The following PKN2 variants were observed in gnomAD, a reference collection of about 807,000 sequenced individuals.
PKN2 encodes the protein serine/threonine-protein kinase N2.
Under a neutral mutation model 119.1 loss-of-function variants are expected in PKN2, and 38 were observed. That is an observed-to-expected ratio of 0.32 (90% CI 0.25 to 0.42). The LOEUF is 0.42. PKN2 is among the 10% of genes least tolerant of loss of function. PKN2 has a pLI of 1.00. For synonymous variants in PKN2, 390 were observed against 384.9 expected (o/e 1.01, Z -0.15); for missense variants, 850 against 1,165.1 (o/e 0.73, Z 3.94).
At chr1:88,788,544 C>A (rs1487755687) in intron 8 of PKN2, among the ~76,000 whole-genome samples, 1 of 151,844 alleles carries the variant, frequency 6.6e-6, no homozygotes, top group Non-Finnish European at 1.5e-5. Flanking sequence ...CTCCCAGGTT[C>A]GAGTGATTCT....
intron 1 of PKN2, among the ~76,000 whole-genome samples, chr1:88,723,166 T>C (rs1427088053): frequency 1.3e-5 from 2 of 151,748 alleles, no homozygotes; most frequent in Non-Finnish European, 2.9e-5. Context: ...CAGGCTGGAG[T>C]GCAGTGGCTC....
In PKN2 at chr1:88,760,287, A is replaced by G. The variant is rs1267206495; in HGVS notation, c.415A>G (p.Lys139Glu). Residue 139 changes from lysine (K) to glutamate (E), a missense_variant, in exon 3 of 22, where the codon AAG becomes GAG. Physicochemically the swap from Lys to Glu is moderately conservative, Grantham distance 56 (BLOSUM62 1). Around this residue, in one of 9 missense-constraint regions of PKN2, gnomAD observed 350 missense variants for 511.1 expected, o/e 0.68. Transcript: ENST00000370521. The part of the protein sequence containing the change: ...PRCSTSNNRL[K>E]ALQKQLDIEL... Reference sequence around the variant, plus strand: ...TTGTTCTACTAGCAACAATAGATTGAAGGCCTTACAAAAACAATTGGATAT... The same window carrying G: ...TTGTTCTACTAGCAACAATAGATTGGAGGCCTTACAAAAACAATTGGATAT... 6.4e-7 allele frequency: 1 copy of G among 1,567,010 alleles called. No individual in the cohort carries two copies. Among genetic ancestry groups the G allele is most frequent in the Non-Finnish European group, 8.8e-7 (1 of 1,138,558 alleles).
At chr1:88,759,024 T>C (rs1355890248) in intron 2 of PKN2, among the ~76,000 whole-genome samples, 2 of 152,230 alleles carry the variant, frequency 1.3e-5, no homozygotes, top group African/African-American at 4.8e-5. Context: ...AGCATTGCTT[T>C]TTCCCTGCAT....
rs1427837779 is a variant in PKN2, at chr1:88,828,587, C to T, written c.2526C>T (p.Gly842=). 1 of 1,612,804 alleles carries T rather than the reference C, an allele frequency of 6.2e-7. No individual in the cohort carries two copies. Among genetic ancestry groups the T allele is most frequent in the South Asian group, 1.1e-5 (1 of 90,994 alleles). ...ATACAAGGGCTGTAGATTGGTGGGG[C>T]CTTGGCGTGCTTATATATGAAATGC... ...TSYTRAVDWW[G]LGVLIYEMLV... Residue 842 remains glycine (G), a synonymous_variant, in exon 19 of 22, where the codon GGC becomes GGT. Transcript: ENST00000370521.
rs1368280462 is a variant in PKN2 at position 88,760,251 on chromosome 1, A to G, written c.379A>G (p.Asn127Asp). 6.3e-7 allele frequency: 1 copy of G among 1,575,130 alleles called. No individual in the cohort carries two copies. Among genetic ancestry groups the G allele is most frequent in the Non-Finnish European group, 8.7e-7 (1 of 1,150,430 alleles). ...CCCAAGGACTCCAGATACTCCAAAT[A>G]ATGACCCTCGTTGTTCTACTAGCAA... ...DCPRTPDTPN[N>D]DPRCSTSNNR... Residue 127 changes from asparagine (N) to aspartate (D), a missense_variant, in exon 3 of 22, where the codon AAT (asparagine) becomes GAT (aspartate). Around this residue, in one of 9 missense-constraint regions of PKN2, gnomAD observed 350 missense variants for 511.1 expected, o/e 0.68. Coordinates refer to ENST00000370521, the MANE Select transcript of PKN2 (RefSeq NM_006256.4).
intron 2 of PKN2, among the ~76,000 whole-genome samples, chr1:88,757,474 A>T (rs904511807): frequency 6.6e-6 from 1 of 152,212 alleles, no homozygotes; most frequent in Admixed American, 6.5e-5. Context: ...GTGTTGAATT[A>T]GTGAATTTTT....
At chr1:88,701,262 G>A (rs1666758339) in intron 1 of PKN2, among the ~76,000 whole-genome samples, 1 of 152,136 alleles carries the variant, frequency 6.6e-6, no homozygotes, top group Non-Finnish European at 1.5e-5. Context: ...TGCCCAACAT[G>A]GTGAAACCCT....
chr1:88,730,159 C>T (rs1448027685), intron 1 of PKN2, among the ~76,000 whole-genome samples: 2 of 150,038 alleles, frequency 1.3e-5, no homozygotes, highest in Non-Finnish European at 3.0e-5. Context: ...AACGAGACTC[C>T]GTCTCAAAAA....
At chr1:88,751,377 TACACACACAC>T (rs34210018) in intron 2 of PKN2, among the ~76,000 whole-genome samples, 3 of 146,580 alleles carry the variant, frequency 2.0e-5, no homozygotes, top group East Asian at 2.0e-4. Flanking sequence ...TATTTACACA[TACACACACAC>T]ACACACACAC....
At chr1:88,700,042 C>T (rs1362616147) in intron 1 of PKN2, among the ~76,000 whole-genome samples, 2 of 152,110 alleles carry the variant, frequency 1.3e-5, no homozygotes, top group African/African-American at 4.8e-5. Flanking sequence ...CTTGGCCTCC[C>T]AAAGTGCTGG....
chr1:88,786,869 G>A (rs1057394251), intron 8 of PKN2, among the ~76,000 whole-genome samples: 2 of 151,702 alleles, frequency 1.3e-5, no homozygotes, highest in African/African-American at 4.8e-5. Context: ...TTATGTTAAA[G>A]CAGATTTACA....
In PKN2 at chr1:88,736,265, A is replaced by G. The variant is rs77800443; in HGVS notation, c.49-4723A>G. ...AGTTTCCTTAAAACAGCTCTTTTGA[A>G]TTCTCTGAGACATCACACATCTCCA... On this transcript the variant is annotated intron_variant, in intron 1 of 21. Transcript: ENST00000370521. Among the ~76,000 whole-genome samples the G allele has an allele frequency of 6.6e-5, 10 of 152,204 alleles. No homozygotes were observed. In the East Asian group the frequency reaches 1.9e-3, roughly 29 times the overall value.
In PKN2 at chr1:88,760,292, CT is replaced by C; in HGVS notation, c.422del (p.Leu141TyrfsTer7). The C allele has an allele frequency of 6.4e-7, 1 of 1,564,662 alleles. No individual in the cohort carries two copies. Among genetic ancestry groups the C allele is most frequent in the Non-Finnish European group, 8.8e-7 (1 of 1,136,908 alleles). On this transcript the variant is annotated frameshift_variant, in exon 3 of 22. Transcript: ENST00000370521. LOFTEE classifies it high-confidence loss of function. ...CSTSNNRLKA[L>X]QKQLDIELKV... Reference sequence around the variant, plus strand: ...CTACTAGCAACAATAGATTGAAGGCCTTACAAAAACAATTGGATATAGAACT... The same window carrying C: ...CTACTAGCAACAATAGATTGAAGGCCTACAAAAACAATTGGATATAGAACT...
intron 15 of PKN2, among the ~76,000 whole-genome samples, chr1:88,812,964 CTG>C (rs1414601584): frequency 6.6e-6 from 1 of 152,106 alleles, no homozygotes; most frequent in Non-Finnish European, 1.5e-5. Flanking sequence ...AAAATAAAAA[CTG>C]TTAACTTTTT....
intron 20 of PKN2, 90 bp from the exon 21 acceptor site, chr1:88,832,987 A>G (rs1672792184): frequency 1.5e-6 from 2 of 1,338,422 alleles, no homozygotes; most frequent in East Asian, 5.0e-5. Context: ...AAAAGACAAA[A>G]TATATCTAAG....
chr1:88,701,102 A>C (rs992411251), intron 1 of PKN2, among the ~76,000 whole-genome samples: 9 of 152,200 alleles, frequency 5.9e-5, no homozygotes, highest in Non-Finnish European at 1.2e-4. Flanking sequence ...GTTTATTATT[A>C]AAAACAAATG....
chr1:88,714,604 T>C (rs1175485194), intron 1 of PKN2, among the ~76,000 whole-genome samples: 1 of 152,208 alleles, frequency 6.6e-6, no homozygotes, highest in African/African-American at 2.4e-5. Context: ...GGAATGCTTG[T>C]GATTTTTGCA....
At position 88,685,767 on chromosome 1, in the gene PKN2, T is replaced by TA. The variant is rs1011726092; in HGVS notation, c.48+1147dup. On this transcript the variant is annotated intron_variant, in intron 1 of 21. Coordinates refer to ENST00000370521, the MANE Select transcript of PKN2 (RefSeq NM_006256.4). ...TGTGTGTTGGACAGTTAATTTTTTTTAAAAAAAAGACTAAATCAAGAAATT... is the reference window on the plus strand; with the variant it reads ...TGTGTGTTGGACAGTTAATTTTTTTTAAAAAAAAAGACTAAATCAAGAAATT... Among the ~76,000 whole-genome samples the TA allele has an allele frequency of 7.2e-4, 109 of 152,062 alleles. 1 individual carries two copies. Among genetic ancestry groups the TA allele is most frequent in the Non-Finnish European group, 3.1e-4 (21 of 67,962 alleles).
At chr1:88,719,718 A>C (rs1402814660) in intron 1 of PKN2, among the ~76,000 whole-genome samples, 1 of 152,158 alleles carries the variant, frequency 6.6e-6, no homozygotes, top group Non-Finnish European at 1.5e-5. Context: ...AATTAATCGT[A>C]TACATAAAAC....
Sources: gnomAD v4.1 joint callset for allele counts (sites outside exome capture counted in the v4.1 genomes callset) on GRCh38, gnomAD v4.1.1 for gene constraint, gnomAD v4.1.1 regional missense constraint, MANE v1.5 for transcripts, NCBI Gene and HGNC (gene_info 2026-07-23, HGNC 2026-07-21) for gene names.